CTCF: variants seen among roughly 807,000 people sequenced by gnomAD.
CTCF encodes the protein transcriptional repressor CTCF.
Under a neutral mutation model 72.3 loss-of-function variants are expected in CTCF, and 7 were observed. The observed-to-expected ratio is 0.10, with a 90% CI of 0.06 to 0.18. The LOEUF is 0.18. Among genes scored for constraint, CTCF ranks in the 10% least tolerant of loss-of-function variants. CTCF has a pLI of 1.00. For synonymous variants in CTCF, 374 were observed against 315.8 expected, an observed-to-expected ratio of 1.18 and a Z score of -1.95; for missense variants, 516 against 949.1, an observed-to-expected ratio of 0.54 and a Z score of 6.00.
At chr16:67,612,230 C>T (rs1460879692) in intron 4 of CTCF, 109 bp downstream of exon 4, 1 of 926,636 alleles carries the variant, frequency 1.1e-6, no homozygotes. Context: ...TTTATTATTT[C>T]TTATGATGCC....
At chr16:67,579,513 C>T (rs1410065581) in intron 2 of CTCF, among the ~76,000 whole-genome samples, 2 of 151,884 alleles carry the variant, frequency 1.3e-5, no homozygotes, top group African/African-American at 2.4e-5. Flanking sequence ...CACATGCCAC[C>T]ATGCCCGGCT....
rs1447508704 is a variant in CTCF at position 67,639,002 on chromosome 16, CAGTT to C, written c.*1133_*1136del. 4.9e-6 allele frequency: 1 copy of C among 203,298 alleles called. No homozygotes were observed. The highest frequency in any genetic ancestry group is 1.0e-5 in the Non-Finnish European group (1 of 98,718). The allele number at this position is 203,298 out of a possible 1,614,324, so 12.6% of individuals were successfully genotyped here. A position where few individuals can be genotyped will look rare whatever the true frequency, so the allele number is the denominator to read the frequency against. On this transcript the variant is annotated 3_prime_UTR_variant, in exon 12 of 12. Coordinates refer to ENST00000264010, the MANE Select transcript of CTCF (RefSeq NM_006565.4). The stretch of plus-strand genomic sequence containing the variant: ...TGTGTATTGCTTTTAAGAGAGCCAT[CAGTT>C]AGCTATCAGACTCTAGGTTGATGCA...
chr16:67,630,392 C>T (rs970313736), intron 10 of CTCF, among the ~76,000 whole-genome samples: 1 of 152,066 alleles, frequency 6.6e-6, no homozygotes, highest in Admixed American at 6.6e-5. Flanking sequence ...ATTTTCCTAC[C>T]ACAGGTACTC....
At chr16:67,568,638 G>C (rs1234518868) in intron 1 of CTCF, 3 of 152,184 alleles carry the variant, frequency 2.0e-5, no homozygotes, top group African/African-American at 7.2e-5. Flanking sequence ...CACCCGCCTG[G>C]GCCTCCTAAA....
chr16:67,616,966 T>A, intron 5 of CTCF, 88 bp downstream of exon 5: 1 of 1,327,852 alleles, frequency 7.5e-7, no homozygotes, highest in Non-Finnish European at 1.1e-6. Context: ...CAAACGGACT[T>A]AAGATGAGGT....
At position 67,628,461 on chromosome 16, in the gene CTCF, T is replaced by A. The variant is rs2052320258; in HGVS notation, c.1610T>A (p.Leu537His). Reference protein sequence around the residue: ...HCDKTFRQKQLLDMHFKRYHD... With the variant: ...HCDKTFRQKQHLDMHFKRYHD... ...GATAAGACCTTCCGCCAGAAGCAGC[T>A]TCTCGACATGCACTTCAAGCGCTAT... Residue 537 changes from leucine (L) to histidine (H), a missense_variant, in exon 9 of 12, where the codon CTT becomes CAT. By Grantham distance (99) the Leu-to-His change is moderately conservative (BLOSUM62 -3). Coordinates refer to ENST00000264010, the MANE Select transcript of CTCF (RefSeq NM_006565.4). The A allele has an allele frequency of 1.9e-6, 3 of 1,614,118 alleles. No individual in the cohort carries two copies. The highest frequency in any genetic ancestry group is 2.5e-6 in the Non-Finnish European group (3 of 1,180,052).
chr16:67,613,969 G>GT (rs1404841024), intron 4 of CTCF, among the ~76,000 whole-genome samples: 2 of 152,164 alleles, frequency 1.3e-5, no homozygotes, highest in African/African-American at 4.8e-5. Flanking sequence ...TACACCAAGA[G>GT]TATCAGTTTA....
chr16:67,564,662 T>G (rs1433091028), intron 1 of CTCF, among the ~76,000 whole-genome samples: 1 of 152,226 alleles, frequency 6.6e-6, no homozygotes, highest in Non-Finnish European at 1.5e-5. Context: ...GAAATTGTGG[T>G]TAAGTAGCAT....
chr16:67,615,449 C>T (rs1221746689), intron 4 of CTCF: 1 of 151,920 alleles, frequency 6.6e-6, no homozygotes, highest in African/African-American at 2.4e-5. Context: ...GACTCCATCT[C>T]TACAAAATAG....
intron 2 of CTCF, among the ~76,000 whole-genome samples, chr16:67,573,134 G>A (rs921479567): frequency 1.3e-5 from 2 of 151,424 alleles, no homozygotes; most frequent in African/African-American, 4.9e-5. Flanking sequence ...AACCTGTAAT[G>A]CCAGTTTCTC....
intron 2 of CTCF, among the ~76,000 whole-genome samples, chr16:67,578,459 A>G (rs2051533477): frequency 6.6e-6 from 1 of 151,046 alleles, no homozygotes; most frequent in Admixed American, 6.6e-5. Flanking sequence ...CAGCCTCCCA[A>G]GTAGCTGAGA....
chr16:67,603,824 C>CAA (rs35360126), intron 2 of CTCF, among the ~76,000 whole-genome samples: 303 of 93,044 alleles, frequency 3.3e-3, no homozygotes, highest in African/African-American at 0.011. Context: ...GACTCTGTCT[C>CAA]AAAAAAAAAA....
At chr16:67,587,163 C>A (rs1210248635) in intron 2 of CTCF, among the ~76,000 whole-genome samples, 1 of 137,658 alleles carries the variant, frequency 7.3e-6, no homozygotes, top group Non-Finnish European at 1.5e-5. Context: ...CTGGCATGAT[C>A]ACAGCTTGCT....
intron 2 of CTCF, among the ~76,000 whole-genome samples, chr16:67,581,150 G>A (rs528716122): frequency 2.0e-5 from 3 of 149,394 alleles, no homozygotes; most frequent in African/African-American, 4.9e-5. Context: ...GGATGGTCTC[G>A]ATCTGCTGAC....
intron 2 of CTCF, among the ~76,000 whole-genome samples, chr16:67,583,247 A>G (rs559029227): frequency 6.6e-6 from 1 of 152,028 alleles, no homozygotes; most frequent in African/African-American, 2.4e-5. Context: ...TTGGCCTCTC[A>G]AAGTGCTAGG....
At chr16:67,613,966 A>G (rs1351857710) in intron 4 of CTCF, among the ~76,000 whole-genome samples, 1 of 152,162 alleles carries the variant, frequency 6.6e-6, no homozygotes, top group East Asian at 1.9e-4. Context: ...GCATACACCA[A>G]GAGTATCAGT....
intron 2 of CTCF, among the ~76,000 whole-genome samples, chr16:67,593,504 G>T (rs531063119): frequency 6.6e-6 from 1 of 152,228 alleles, no homozygotes; most frequent in East Asian, 1.9e-4. Flanking sequence ...CATCTGTGTT[G>T]CTGTAAAGGA....
At chr16:67,619,445 CAAAAAAAACT>C (rs2052174015) in intron 5 of CTCF, among the ~76,000 whole-genome samples, 1 of 151,408 alleles carries the variant, frequency 6.6e-6, no homozygotes, top group Non-Finnish European at 1.5e-5. Context: ...CAAAAAAAAC[CAAAAAAAACT>C]CAGAGACATT....
At chr16:67,625,922 C>G (rs956919154) in intron 7 of CTCF, among the ~76,000 whole-genome samples, 11 of 151,318 alleles carry the variant, frequency 7.3e-5, no homozygotes, top group African/African-American at 2.7e-4. Flanking sequence ...GGCCTGATAC[C>G]TACTTTATTC....
Sources: allele counts gnomAD v4.1 joint callset (sites outside exome capture counted in the v4.1 genomes callset), GRCh38; gene constraint gnomAD v4.1.1; transcripts MANE v1.5; gene names NCBI Gene and HGNC (gene_info 2026-07-23, HGNC 2026-07-21).